EYA1: variants seen among roughly 807,000 people sequenced by gnomAD.
EYA1 encodes EYA transcriptional coactivator and phosphatase 1, also known as protein phosphatase EYA1.
EYA1 carries 16 observed loss-of-function variants against 82.0 expected under a neutral mutation model. The observed-to-expected ratio is 0.20, with a 90% CI of 0.13 to 0.30. The LOEUF is 0.30. EYA1 is among the 10% of genes least tolerant of loss of function. The probability of loss-of-function intolerance (pLI) is 1.00; values close to 1 mark genes in which losing one functional copy is unlikely to be tolerated. For synonymous variants in EYA1, 261 were observed against 264.4 expected, an observed-to-expected ratio of 0.99 and a Z score of 0.12; for missense variants, 633 against 730.7, an observed-to-expected ratio of 0.87 and a Z score of 1.54.
intron 12 of EYA1, among the ~76,000 whole-genome samples, chr8:71,218,252 TCTCTAG>T (rs1809455263): frequency 6.6e-6 from 1 of 152,188 alleles, no homozygotes; most frequent in Non-Finnish European, 1.5e-5. Context: ...CTAGCCCATC[TCTCTAG>T]CACTTAGACT....
At chr8:71,323,267 T>C (rs1301612080) in intron 4 of EYA1, among the ~76,000 whole-genome samples, 3 of 152,076 alleles carry the variant, frequency 2.0e-5, no homozygotes, top group Non-Finnish European at 4.4e-5. Flanking sequence ...CTAAGATGCA[T>C]ATTCCTTGGG....
chr8:71,262,651 A>G (rs541413240), intron 11 of EYA1, among the ~76,000 whole-genome samples: 1 of 152,304 alleles, frequency 6.6e-6, no homozygotes, highest in South Asian at 2.1e-4. Context: ...TCCCTTTTAT[A>G]TTCATGAACA....
chr8:71,398,897 G>T (rs955620935), intron 2 of EYA1, among the ~76,000 whole-genome samples: 1 of 152,222 alleles, frequency 6.6e-6, no homozygotes, highest in African/African-American at 2.4e-5. Context: ...CCAAGAGGTG[G>T]AGTCTACAGA....
At chr8:71,242,709 T>C (rs1366393841) in intron 12 of EYA1, among the ~76,000 whole-genome samples, 1 of 152,056 alleles carries the variant, frequency 6.6e-6, no homozygotes, top group Non-Finnish European at 1.5e-5. Flanking sequence ...TATAACAAGT[T>C]ATGACTGCCT....
intron 17 of EYA1, among the ~76,000 whole-genome samples, 186 bp from the exon 18 acceptor site, chr8:71,199,606 G>C (rs1806681736): frequency 6.6e-6 from 1 of 152,192 alleles, no homozygotes; most frequent in South Asian, 2.1e-4. Flanking sequence ...ATACTGGACT[G>C]AGTTGTAAAA....
intron 2 of EYA1, among the ~76,000 whole-genome samples, chr8:71,432,790 C>G (rs1034758588): frequency 1.3e-4 from 20 of 152,062 alleles, no homozygotes; most frequent in African/African-American, 4.3e-4. Context: ...CTAACAGATG[C>G]CTTTGAGTAA....
chr8:71,418,462 G>T (rs1385274166), intron 2 of EYA1, among the ~76,000 whole-genome samples: 2 of 151,928 alleles, frequency 1.3e-5, no homozygotes, highest in Non-Finnish European at 2.9e-5. Flanking sequence ...ATGCACTTTG[G>T]CATACAGAAT....
In EYA1 at chr8:71,244,534, T is replaced by C. The variant is rs112153708; in HGVS notation, c.1140+69A>G. 1,274 of 810,290 alleles carry C rather than the reference T, an allele frequency of 1.6e-3. 17 individuals carry two copies. In the African/African-American group the frequency reaches 0.018, roughly 11 times the overall value. The allele number at this position is 810,290 out of a possible 1,614,324, so 50.2% of individuals were successfully genotyped here. On this transcript the variant is annotated intron_variant, in intron 12 of 17. Coordinates refer to ENST00000340726, the MANE Select transcript of EYA1 (RefSeq NM_000503.6). ...AATTATACATTAAAAAATAATATCC[T>C]ATCTTTATTTTAAAACCAATCACCT...
chr8:71,311,402 C>A (rs1821321580), intron 7 of EYA1, among the ~76,000 whole-genome samples: 1 of 152,224 alleles, frequency 6.6e-6, no homozygotes, highest in Admixed American at 6.5e-5. Context: ...ACACAACACC[C>A]CGTTTCACTA....
Position 71,197,963 on chromosome 8 carries a change from CGTT to C in EYA1, c.*1374_*1376del, listed in dbSNP as rs1806444363. 6.6e-6 allele frequency: 1 copy of C among 152,124 alleles called. No individual in the cohort carries two copies. The highest frequency in any genetic ancestry group is 1.5e-5 in the Non-Finnish European group (1 of 68,020). 9.4% of individuals were successfully genotyped at this position (152,124 alleles called of 1,614,324 possible). The stretch of plus-strand genomic sequence containing the variant: ...AGTACATAATGCAGGTGGAGAGGAA[CGTT>C]GTTTCCATGGTGATGACAATGGCAA... On this transcript the variant is annotated 3_prime_UTR_variant, in exon 18 of 18. Transcript: ENST00000340726.
chr8:71,271,462 T>C (rs1364752320), intron 10 of EYA1, among the ~76,000 whole-genome samples: 1 of 152,236 alleles, frequency 6.6e-6, no homozygotes, highest in Non-Finnish European at 1.5e-5. Context: ...ATGGCAATGA[T>C]ACAGATCAGC....
At position 71,274,387 on chromosome 8, in the gene EYA1, A is replaced by G. The variant is rs142719630; in HGVS notation, c.827-2490T>C. 1.8e-3 allele frequency among the ~76,000 whole-genome samples: 273 copies of G among 152,312 alleles called. 3 individuals are homozygous for G. The highest frequency in any genetic ancestry group is 6.3e-3 in the African/African-American group (262 of 41,572). On this transcript the variant is annotated intron_variant, in intron 9 of 17. Transcript: ENST00000340726. ...AACTTCTCCTTCCTCCTCCTAGTGCAAAACAACTCAAATATTCAAATCATT... is the reference window on the plus strand; with the variant it reads ...AACTTCTCCTTCCTCCTCCTAGTGCGAAACAACTCAAATATTCAAATCATT...
intron 2 of EYA1, among the ~76,000 whole-genome samples, chr8:71,500,040 C>T (rs745661824): frequency 6.6e-6 from 1 of 152,030 alleles, no homozygotes; most frequent in South Asian, 2.1e-4. Context: ...GGAAAGGAAC[C>T]GAAACACACA....
intron 9 of EYA1, among the ~76,000 whole-genome samples, chr8:71,290,012 C>T (rs771127278): frequency 1.3e-5 from 2 of 152,016 alleles, no homozygotes; most frequent in African/African-American, 4.8e-5. Context: ...ACCAAGGTGC[C>T]GAGTATAGAA....
rs115784092 is a variant in EYA1, at chr8:71,279,388, T to G, written c.827-7491A>C. Among the ~76,000 whole-genome samples, 424 of 152,286 alleles carry G rather than the reference T, an allele frequency of 2.8e-3. 5 individuals carry two copies. The highest frequency in any genetic ancestry group is 9.7e-3 in the African/African-American group (402 of 41,558). ...ACATAAGTATATGCAAAAGTCATCT[T>G]AATAGATGGTATACCAAGGCCAGAT... On this transcript the variant is annotated intron_variant, in intron 9 of 17. Coordinates refer to ENST00000340726, the MANE Select transcript of EYA1 (RefSeq NM_000503.6).
At chr8:71,278,070 T>C (rs1817405895) in intron 9 of EYA1, among the ~76,000 whole-genome samples, 1 of 152,218 alleles carries the variant, frequency 6.6e-6, no homozygotes, top group Admixed American at 6.5e-5. Context: ...CCTTGAGCCT[T>C]GGGGAAGTTA....
intron 2 of EYA1, among the ~76,000 whole-genome samples, chr8:71,476,396 A>ATTTATTTCTC (rs1809666828): frequency 3.3e-5 from 5 of 152,118 alleles, no homozygotes; most frequent in Non-Finnish European, 7.4e-5. Flanking sequence ...TTATTTCTCA[A>ATTTATTTCTC]AAGTGCTTGA....
At chr8:71,273,559 G>A (rs1373655927) in intron 9 of EYA1, among the ~76,000 whole-genome samples, 1 of 152,174 alleles carries the variant, frequency 6.6e-6, no homozygotes, top group African/African-American at 2.4e-5. Flanking sequence ...TAGTCAAGTG[G>A]ATTCAAAGCT....
intron 2 of EYA1, among the ~76,000 whole-genome samples, chr8:71,434,512 A>G (rs1263144432): frequency 6.6e-6 from 1 of 152,220 alleles, no homozygotes; most frequent in Non-Finnish European, 1.5e-5. Context: ...GTAAAAAACA[A>G]GAAAAATAAC....
Sources: gnomAD v4.1 joint callset for allele counts (sites outside exome capture counted in the v4.1 genomes callset) on GRCh38, gnomAD v4.1.1 for gene constraint, MANE v1.5 for transcripts, NCBI Gene and HGNC (gene_info 2026-07-23, HGNC 2026-07-21) for gene names.